SEPTIN9: variants seen among roughly 807,000 people sequenced by gnomAD.
SEPTIN9 encodes septin 9, also known as septin-9.
A neutral mutation model predicts 56.6 loss-of-function variants in SEPTIN9; 13 were observed. That is an observed-to-expected ratio of 0.23 (90% confidence interval 0.15 to 0.37). The LOEUF is 0.37. Among genes scored for constraint, SEPTIN9 ranks in the 10% least tolerant of loss-of-function variants. SEPTIN9 has a pLI of 1.00. For missense variants in SEPTIN9, 650 were observed against 823.1 expected (o/e 0.79, Z 2.57); for synonymous variants, 332 against 334.1 (o/e 0.99, Z 0.07).
At chr17:77,478,530 G>T (rs1366634824) in intron 3 of SEPTIN9, among the ~76,000 whole-genome samples, 1 of 152,206 alleles carries the variant, frequency 6.6e-6, no homozygotes, top group Non-Finnish European at 1.5e-5. Context: ...GGACAGGCCG[G>T]GCGTGGTGGC....
At chr17:77,455,847 T>C (rs72896181) in intron 3 of SEPTIN9, among the ~76,000 whole-genome samples, 2 of 152,198 alleles carry the variant, frequency 1.3e-5, no homozygotes, top group African/African-American at 2.4e-5. Flanking sequence ...TGTGAGGCTA[T>C]CCCGAGACAG....
chr17:77,473,043 T>C (rs1288965391), intron 3 of SEPTIN9, among the ~76,000 whole-genome samples: 2 of 152,220 alleles, frequency 1.3e-5, no homozygotes, highest in East Asian at 1.9e-4. Flanking sequence ...TGGGAAAATA[T>C]CCTGTTTTCA....
In SEPTIN9 at chr17:77,402,593, C is replaced by T; in HGVS notation, c.611C>T (p.Pro204Leu). The change falls in exon 3 of 12, where the codon CCA becomes CTA. Residue 204 changes from proline to leucine, a missense_variant. Around this residue, in one of 2 missense-constraint regions of SEPTIN9, gnomAD observed 317 missense variants for 329.1 expected, o/e 0.96. Coordinates refer to ENST00000427177, the MANE Select transcript of SEPTIN9 (RefSeq NM_001113491.2). The surrounding 1 kb of genome is among the most constrained non-coding windows in gnomAD (Gnocchi z 6.6). ...KPAEAPTAPSPAQTLENSEPA... is the reference protein window; with the variant it reads ...KPAEAPTAPSLAQTLENSEPA... The stretch of plus-strand genomic sequence containing the variant: ...GCTGAGGCGCCCACCGCCCCCAGCC[C>T]AGCCCAGACCTTGGAGAATTCAGAG... 6.2e-7 allele frequency: 1 copy of T among 1,612,528 alleles called. No homozygotes were observed. The highest frequency in any genetic ancestry group is 1.1e-5 in the South Asian group (1 of 90,862).
At chr17:77,352,288 T>A (rs1047151050) in intron 2 of SEPTIN9, among the ~76,000 whole-genome samples, 3 of 150,538 alleles carry the variant, frequency 2.0e-5, no homozygotes, top group Non-Finnish European at 4.4e-5. Context: ...GTGCCTGTAG[T>A]CCCAGCTGCT....
Position 77,429,674 on chromosome 17 carries a change from C to A in SEPTIN9, c.721+26971C>A, listed in dbSNP as rs377041740. ...TGAGCTGGAGGGTGCTGGGCAGGAG[C>A]TGGCCAGTAATAGGCTGACGAGGGA... On this transcript the variant is annotated intron_variant, in intron 3 of 11. Transcript: ENST00000427177. The surrounding 1 kb of genome is among the most constrained non-coding windows in gnomAD (Gnocchi z 5.2). Among the ~76,000 whole-genome samples the A allele has an allele frequency of 3.3e-5, 5 of 152,106 alleles. No individual in the cohort carries two copies. The highest frequency in any genetic ancestry group is 1.2e-4 in the African/African-American group (5 of 41,414).
In SEPTIN9 at chr17:77,456,932, A is replaced by G. The variant is rs560723468; in HGVS notation, c.722-25212A>G. Among the ~76,000 whole-genome samples the G allele has an allele frequency of 6.6e-6, 1 of 152,290 alleles. No homozygotes were observed. The highest frequency in any genetic ancestry group is 1.5e-5 in the Non-Finnish European group (1 of 68,026). On this transcript the variant is annotated intron_variant, in intron 3 of 11. Transcript: ENST00000427177. The surrounding 1 kb of genome is among the most constrained non-coding windows in gnomAD (Gnocchi z 6.0). ...CCAGGTCTCAGGGACCAGCGCTGGG[A>G]CCCTGGATGACTGAAGGAGGGCACG...
intron 4 of SEPTIN9, among the ~76,000 whole-genome samples, chr17:77,485,946 C>T (rs1347690539): frequency 6.6e-6 from 1 of 151,998 alleles, no homozygotes; most frequent in Non-Finnish European, 1.5e-5. Flanking sequence ...TCAAGTGATT[C>T]TCGTGCCTCA....
rs934515383 is a variant in SEPTIN9, at chr17:77,464,268, G to A, written c.722-17876G>A. Reference sequence around the variant, plus strand: ...ATTTTTTGTATTTTTAGTAGAGACGGTGTTTCACCAGGTTGACCAGGCTAG... The same window carrying A: ...ATTTTTTGTATTTTTAGTAGAGACGATGTTTCACCAGGTTGACCAGGCTAG... On this transcript the variant is annotated intron_variant, in intron 3 of 11. Coordinates refer to ENST00000427177, the MANE Select transcript of SEPTIN9 (RefSeq NM_001113491.2). Among the ~76,000 whole-genome samples the A allele has an allele frequency of 3.9e-5, 6 of 152,144 alleles. 1 individual carries two copies. Among genetic ancestry groups the A allele is most frequent in the African/African-American group, 1.4e-4 (6 of 41,510 alleles).
intron 3 of SEPTIN9, among the ~76,000 whole-genome samples, chr17:77,468,142 G>A (rs554183331): frequency 6.6e-6 from 1 of 152,284 alleles, no homozygotes; most frequent in South Asian, 2.1e-4. Context: ...GCGGGCGCCT[G>A]TAATCCCAGC....
At chr17:77,397,867 T>C (rs1457892956) in intron 2 of SEPTIN9, among the ~76,000 whole-genome samples, 3 of 152,154 alleles carry the variant, frequency 2.0e-5, no homozygotes, top group Non-Finnish European at 4.4e-5. Context: ...GCCAGGCTGG[T>C]TTCGAACTCC....
intron 1 of SEPTIN9, among the ~76,000 whole-genome samples, chr17:77,305,607 C>A (rs1399671394): frequency 2.6e-5 from 4 of 151,928 alleles, no homozygotes; most frequent in South Asian, 2.1e-4. Context: ...AATTGGGGCC[C>A]ATCTGGGGGT....
chr17:77,334,412 ACT>A (rs1268683015), intron 2 of SEPTIN9, among the ~76,000 whole-genome samples: 2 of 126,848 alleles, frequency 1.6e-5, no homozygotes, highest in East Asian at 4.5e-4. Flanking sequence ...ACAGAGCAAG[ACT>A]CTGTCTCAAA....
intron 1 of SEPTIN9, among the ~76,000 whole-genome samples, chr17:77,290,478 C>A (rs1172181521): frequency 6.6e-6 from 1 of 151,556 alleles, no homozygotes; most frequent in Non-Finnish European, 1.5e-5. Context: ...CCAGGATGGT[C>A]TCAATCTTCT....
chr17:77,341,328 C>A (rs1179171717), intron 2 of SEPTIN9, among the ~76,000 whole-genome samples: 2 of 152,146 alleles, frequency 1.3e-5, no homozygotes, highest in Admixed American at 6.5e-5. Context: ...ATTGTTGAGT[C>A]TCAGGGAATA....
intron 2 of SEPTIN9, among the ~76,000 whole-genome samples, chr17:77,393,727 C>G (rs7206965): frequency 6.6e-6 from 1 of 152,116 alleles, no homozygotes. Flanking sequence ...GCTGGGATTA[C>G]AGGCATGCAC....
chr17:77,360,915 CTTTTTTTTTTT>C (rs34718935), intron 2 of SEPTIN9, among the ~76,000 whole-genome samples: 2 of 76,798 alleles, frequency 2.6e-5, no homozygotes, highest in Non-Finnish European at 4.7e-5. Context: ...GTCTTTCATC[CTTTTTTTTTTT>C]TTTTTTTTTT....
chr17:77,363,851 C>T (rs947310092), intron 2 of SEPTIN9, among the ~76,000 whole-genome samples: 8 of 150,370 alleles, frequency 5.3e-5, no homozygotes, highest in Non-Finnish European at 1.2e-4. Context: ...TCCAGGGGGT[C>T]CGTGTGGCCC....
Position 77,434,159 on chromosome 17 carries a change from C to T in SEPTIN9, c.721+31456C>T, listed in dbSNP as rs2037253978. Among the ~76,000 whole-genome samples the T allele has an allele frequency of 6.6e-6, 1 of 152,182 alleles. No individual in the cohort carries two copies. The highest frequency in any genetic ancestry group is 2.1e-4 in the South Asian group (1 of 4,832). On this transcript the variant is annotated intron_variant, in intron 3 of 11. Transcript: ENST00000427177. This position sits in a 1 kb window ranked among gnomAD's most constrained non-coding sequence, Gnocchi z 5.0. Reference sequence around the variant, plus strand: ...CTTGGTGGGAGAGGCAGGGCCCCTTCCCCTTTAATCTGGGCAACCTTGCTT... The same window carrying T: ...CTTGGTGGGAGAGGCAGGGCCCCTTTCCCTTTAATCTGGGCAACCTTGCTT...
chr17:77,409,760 C>T (rs998950183), intron 3 of SEPTIN9, among the ~76,000 whole-genome samples: 1 of 152,226 alleles, frequency 6.6e-6, no homozygotes, highest in African/African-American at 2.4e-5. Flanking sequence ...TGCACAATGG[C>T]GAGCCTGTCC....
Sources: allele counts gnomAD v4.1 joint callset (sites outside exome capture counted in the v4.1 genomes callset), GRCh38; gene constraint gnomAD v4.1.1; regional missense constraint gnomAD v4.1.1; non-coding constraint Gnocchi (gnomAD v3.1); transcripts MANE v1.5; gene names NCBI Gene and HGNC (gene_info 2026-07-23, HGNC 2026-07-21).